Variants in GUCY1A2 observed in about 807,000 individuals in gnomAD.
GUCY1A2 encodes guanylate cyclase 1 soluble subunit alpha 2, also known as guanylate cyclase soluble subunit alpha-2.
Under a neutral mutation model 63.5 loss-of-function variants are expected in GUCY1A2, and 27 were observed. The observed-to-expected ratio is 0.43, with a 90% CI of 0.31 to 0.59. The LOEUF (loss-of-function observed/expected upper bound fraction) is 0.59, where lower values mean the gene tolerates loss of function less well. Among genes scored for constraint, GUCY1A2 ranks in the 20% least tolerant of loss-of-function variants. The probability of loss-of-function intolerance (pLI) is 0.11; values close to 1 mark genes in which losing one functional copy is unlikely to be tolerated. For synonymous variants in GUCY1A2, 364 were observed against 343.5 expected (o/e 1.06, Z -0.66); for missense variants, 768 against 913.3 (o/e 0.84, Z 2.05).
intron 5 of GUCY1A2, among the ~76,000 whole-genome samples, chr11:106,798,923 G>C (rs1292764584): frequency 6.6e-6 from 1 of 152,150 alleles, no homozygotes; most frequent in African/African-American, 2.4e-5. Context: ...AGGGCAATCA[G>C]GCAGGAGAGA....
chr11:106,721,826 A>G (rs1409391560), intron 6 of GUCY1A2, among the ~76,000 whole-genome samples: 1 of 152,194 alleles, frequency 6.6e-6, no homozygotes, highest in African/African-American at 2.4e-5. Context: ...AAGGAATCCA[A>G]TGGTGGGCTT....
At chr11:106,834,286 C>T (rs2135438856) in intron 4 of GUCY1A2, among the ~76,000 whole-genome samples, 1 of 152,102 alleles carries the variant, frequency 6.6e-6, no homozygotes, top group East Asian at 1.9e-4. Context: ...GCAGTTTCCA[C>T]ATATAAATGA....
chr11:107,009,559 C>T (rs562676798), intron 1 of GUCY1A2, among the ~76,000 whole-genome samples: 1 of 152,144 alleles, frequency 6.6e-6, no homozygotes, highest in African/African-American at 2.4e-5. Context: ...AACTACTGAA[C>T]ATAAACATAA....
chr11:106,934,005 T>C (rs543768039), intron 4 of GUCY1A2, among the ~76,000 whole-genome samples: 1 of 152,234 alleles, frequency 6.6e-6, no homozygotes, highest in Admixed American at 6.5e-5. Flanking sequence ...GCTTAGGACC[T>C]GGGTGAGGGG....
At chr11:106,794,608 T>A (rs1008257325) in intron 5 of GUCY1A2, among the ~76,000 whole-genome samples, 1 of 152,088 alleles carries the variant, frequency 6.6e-6, no homozygotes, top group Admixed American at 6.6e-5. Flanking sequence ...ATATATCAAA[T>A]TGTCACATTG....
chr11:106,818,468 G>A (rs60346404), intron 4 of GUCY1A2, among the ~76,000 whole-genome samples: 11,131 of 152,040 alleles, frequency 0.073, 425 homozygotes, highest in Middle Eastern at 0.13. Flanking sequence ...CCCCACCAAC[G>A]AGCTGTTCCC....
At chr11:106,760,349 T>TGTC (rs199620047) in intron 6 of GUCY1A2, among the ~76,000 whole-genome samples, 41 of 152,148 alleles carry the variant, frequency 2.7e-4, no homozygotes, top group African/African-American at 8.0e-4. Flanking sequence ...CATTTGGAGT[T>TGTC]GAGATTATGT....
At chr11:106,843,582 A>C (rs1189567231) in intron 4 of GUCY1A2, among the ~76,000 whole-genome samples, 2 of 151,872 alleles carry the variant, frequency 1.3e-5, no homozygotes, top group African/African-American at 4.8e-5. Context: ...GAATAATTTA[A>C]AAGTGGAGGA....
At chr11:106,927,305 G>A (rs1860538937) in intron 4 of GUCY1A2, among the ~76,000 whole-genome samples, 1 of 151,550 alleles carries the variant, frequency 6.6e-6, no homozygotes, top group Non-Finnish European at 1.5e-5. Context: ...CCCGGGGGGC[G>A]GAGCTTGCAG....
In GUCY1A2 at chr11:106,685,192, TTCA is replaced by T. The variant is rs1044951131; in HGVS notation, c.*2354_*2356del. On this transcript the variant is annotated 3_prime_UTR_variant, in exon 8 of 8. Transcript: ENST00000526355. ...TAAATAAGAAATCTCTGGCACGTTC[TTCA>T]TCGTGACATTTATGGCAATGTAAAT... 2.5e-5 allele frequency: 5 copies of T among 203,934 alleles called. No individual in the cohort carries two copies. The highest frequency in any genetic ancestry group is 3.0e-5 in the Non-Finnish European group (3 of 99,500). 12.6% of individuals were successfully genotyped at this position (203,934 alleles called of 1,614,324 possible).
chr11:106,825,453 TA>T (rs200208545), intron 4 of GUCY1A2, among the ~76,000 whole-genome samples: 6,171 of 146,346 alleles, frequency 0.042, 143 homozygotes, highest in East Asian at 0.11. Context: ...CTGATGAGCT[TA>T]AAAAAAAAAT....
At chr11:106,946,580 A>G (rs544817626) in intron 3 of GUCY1A2, among the ~76,000 whole-genome samples, 2 of 152,308 alleles carry the variant, frequency 1.3e-5, no homozygotes, top group South Asian at 2.1e-4. Context: ...GGCAATATTA[A>G]TATCAACAAG....
chr11:106,786,338 A>C, intron 5 of GUCY1A2, among the ~76,000 whole-genome samples: 1 of 152,196 alleles, frequency 6.6e-6, no homozygotes, highest in East Asian at 1.9e-4. Flanking sequence ...GGCTGCTTTT[A>C]AGGATGACTC....
intron 4 of GUCY1A2, among the ~76,000 whole-genome samples, chr11:106,861,316 T>C (rs1175732734): frequency 6.6e-6 from 1 of 151,940 alleles, no homozygotes; most frequent in Non-Finnish European, 1.5e-5. Context: ...TTGTGTGAAA[T>C]GTCATTCTGT....
intron 4 of GUCY1A2, among the ~76,000 whole-genome samples, chr11:106,905,264 A>AT (rs2119841559): frequency 6.6e-6 from 1 of 152,280 alleles, no homozygotes. Context: ...GCATTAATTA[A>AT]TATGACAATC....
intron 4 of GUCY1A2, among the ~76,000 whole-genome samples, chr11:106,882,866 A>G (rs1859844887): frequency 6.6e-6 from 1 of 152,074 alleles, no homozygotes; most frequent in Non-Finnish European, 1.5e-5. Flanking sequence ...TTAAGATTTT[A>G]TCAGTTCTCA....
At chr11:106,691,190 G>C (rs75197693) in intron 7 of GUCY1A2, among the ~76,000 whole-genome samples, 316 of 152,220 alleles carry the variant, frequency 2.1e-3, no homozygotes, top group African/African-American at 7.3e-3. Context: ...TCTGAATGGA[G>C]ACGAGTAAGT....
rs1448150378 is a variant in GUCY1A2 at position 107,017,929 on chromosome 11, G to A, written c.127C>T (p.Pro43Ser). Residue 43 changes from proline (P) to serine (S), a missense_variant, in exon 1 of 8, where the codon CCC becomes TCC. Physicochemically the swap from Pro to Ser is moderately conservative, Grantham distance 74. Transcript: ENST00000526355. ...GCCGGGCTGGGCTCCAGCGGCCCGG[G>A]CGGGCTCCGGCTGCCATTCCAGCAG... ...RLCWNGSRSP[P>S]GPLEPSPAAA... 1 of 1,325,696 alleles carries A rather than the reference G, an allele frequency of 7.5e-7. No individual in the cohort carries two copies. Among genetic ancestry groups the A allele is most frequent in the Non-Finnish European group, 9.7e-7 (1 of 1,031,760 alleles). 82.1% of individuals were successfully genotyped at this position (1,325,696 alleles called of 1,614,324 possible).
Position 106,685,436 on chromosome 11 carries a change from T to C in GUCY1A2, c.*2113A>G, listed in dbSNP as rs1410328668. ...GAGTAGTTGCTTAGACAAATCTTTATAAAAAGTGAGAGAAATAGATTGGAT... is the reference window on the plus strand; with the variant it reads ...GAGTAGTTGCTTAGACAAATCTTTACAAAAAGTGAGAGAAATAGATTGGAT... On this transcript the variant is annotated 3_prime_UTR_variant, in exon 8 of 8. Coordinates refer to ENST00000526355, the MANE Select transcript of GUCY1A2 (RefSeq NM_000855.3). The C allele has an allele frequency of 2.3e-5, 5 of 220,434 alleles. No individual in the cohort carries two copies. The highest frequency in any genetic ancestry group is 3.6e-5 in the Non-Finnish European group (4 of 110,184). 13.7% of individuals were successfully genotyped at this position (220,434 alleles called of 1,614,324 possible). A position where few individuals can be genotyped will look rare whatever the true frequency, so the allele number is the denominator to read the frequency against.
Sources: allele counts gnomAD v4.1 joint callset (sites outside exome capture counted in the v4.1 genomes callset), GRCh38; gene constraint gnomAD v4.1.1; transcripts MANE v1.5; gene names NCBI Gene and HGNC (gene_info 2026-07-23, HGNC 2026-07-21).